The following LUZP2 variants were observed in gnomAD, a reference collection of about 807,000 sequenced individuals.
LUZP2 encodes leucine zipper protein 2.
A neutral mutation model predicts 51.6 loss-of-function variants in LUZP2; 52 were observed. The ratio of observed to expected loss-of-function variants is 1.01; its 90% CI spans 0.81 to 1.27. The LOEUF is 1.27. Among genes scored for constraint, LUZP2 ranks in the 50% most tolerant of loss-of-function variants. LUZP2 has a pLI of 0.00. For missense variants in LUZP2, 436 were observed against 395.4 expected (o/e 1.10, Z -0.87); for synonymous variants, 154 against 137.3 (o/e 1.12, Z -0.85).
intron 7 of LUZP2, among the ~76,000 whole-genome samples, chr11:24,932,803 T>G (rs542041318): frequency 1.3e-5 from 2 of 152,320 alleles, no homozygotes; most frequent in South Asian, 4.1e-4. Context: ...TGGCTGCACC[T>G]TCTGTTTGCC....
intron 5 of LUZP2, among the ~76,000 whole-genome samples, chr11:24,818,094 A>T (rs923218): frequency 0.46 from 70,022 of 151,796 alleles, 16,376 homozygotes; most frequent in African/African-American, 0.54. Context: ...TGATTTTTTT[A>T]AAAACAACTT....
At chr11:24,948,445 T>C (rs996458921) in intron 7 of LUZP2, among the ~76,000 whole-genome samples, 1 of 151,782 alleles carries the variant, frequency 6.6e-6, no homozygotes, top group African/African-American at 2.4e-5. Flanking sequence ...GTAATTTATA[T>C]GCCCTGCTAC....
intron 5 of LUZP2, among the ~76,000 whole-genome samples, chr11:24,790,887 C>T (rs776584158): frequency 4.6e-5 from 7 of 152,152 alleles, no homozygotes; most frequent in African/African-American, 7.2e-5. Context: ...AGTCTTCAAA[C>T]CTCTCACTTT....
chr11:24,981,263 G>A lies in LUZP2; in HGVS notation c.598-1863G>A, dbSNP rs12801145. ...GCAGTAGGTAAGGGGTGGGCAATTC[G>A]GACCTGAGGGTTTCCCCCATTTTTA... On this transcript the variant is annotated intron_variant, in intron 8 of 11. Transcript: ENST00000336930. Among the ~76,000 whole-genome samples the A allele has an allele frequency of 6.9e-3, 1,050 of 151,894 alleles. 7 individuals carry two copies. The highest frequency in any genetic ancestry group is 0.012 in the Admixed American group (189 of 15,200).
intron 7 of LUZP2, among the ~76,000 whole-genome samples, chr11:24,928,229 C>T (rs182040297): frequency 6.6e-6 from 1 of 152,024 alleles, no homozygotes; most frequent in Non-Finnish European, 1.5e-5. Context: ...CCCTTTATTT[C>T]TTTCTCTTGT....
chr11:25,035,783 A>T (rs1857838155), intron 9 of LUZP2, among the ~76,000 whole-genome samples: 1 of 152,130 alleles, frequency 6.6e-6, no homozygotes, highest in African/African-American at 2.4e-5. Flanking sequence ...TGATTTACTT[A>T]TGTTGAACTA....
chr11:25,060,732 A>G (rs927396585), intron 10 of LUZP2, among the ~76,000 whole-genome samples: 1 of 152,198 alleles, frequency 6.6e-6, no homozygotes, highest in African/African-American at 2.4e-5. Context: ...AAAGTGATAT[A>G]GAATAAAAAG....
chr11:24,859,501 A>G (rs183986131), intron 5 of LUZP2, among the ~76,000 whole-genome samples: 7 of 152,372 alleles, frequency 4.6e-5, no homozygotes, highest in South Asian at 2.1e-4. Flanking sequence ...TTTCTTAGTT[A>G]CATCACTAAA....
intron 1 of LUZP2, among the ~76,000 whole-genome samples, chr11:24,533,545 A>G (rs571528541): frequency 5.1e-4 from 77 of 151,452 alleles, no homozygotes; most frequent in African/African-American, 1.4e-3. Context: ...ACGTACTTTC[A>G]AAAGAATATG....
intron 1 of LUZP2, among the ~76,000 whole-genome samples, chr11:24,715,094 G>A (rs116495032): frequency 1.4e-4 from 21 of 152,150 alleles, no homozygotes; most frequent in African/African-American, 4.8e-4. Flanking sequence ...TGACAATGCT[G>A]GTATATCTGG....
At chr11:24,815,969 T>C (rs1432871906) in intron 5 of LUZP2, among the ~76,000 whole-genome samples, 6 of 150,606 alleles carry the variant, frequency 4.0e-5, no homozygotes, top group Non-Finnish European at 8.8e-5. Context: ...TGGTTTGTAT[T>C]AGTGCATCTC....
intron 5 of LUZP2, among the ~76,000 whole-genome samples, chr11:24,787,808 T>C (rs1356602259): frequency 2.0e-5 from 3 of 152,072 alleles, no homozygotes; most frequent in East Asian, 1.9e-4. Flanking sequence ...TATTATTTCT[T>C]TTTTGAAATT....
chr11:24,785,793 G>T, intron 5 of LUZP2: 2 of 846,674 alleles, frequency 2.4e-6, no homozygotes, highest in Non-Finnish European at 2.8e-6. Context: ...ACAGCATTTA[G>T]CCCACACTTC....
At chr11:24,697,300 G>A (rs1257465368) in intron 1 of LUZP2, among the ~76,000 whole-genome samples, 1 of 152,116 alleles carries the variant, frequency 6.6e-6, no homozygotes, top group Non-Finnish European at 1.5e-5. Flanking sequence ...AGTGTAAATA[G>A]GCAAGTTAAG....
At chr11:24,776,656 C>T (rs1848934823) in intron 5 of LUZP2, among the ~76,000 whole-genome samples, 2 of 152,090 alleles carry the variant, frequency 1.3e-5, no homozygotes, top group African/African-American at 4.8e-5. Context: ...TTAGCAATGT[C>T]CCCTTGGCTA....
At chr11:24,955,122 G>A (rs1426763316) in intron 7 of LUZP2, among the ~76,000 whole-genome samples, 2 of 151,988 alleles carry the variant, frequency 1.3e-5, no homozygotes, top group African/African-American at 2.4e-5. Flanking sequence ...TAAAGATGGA[G>A]TTCTGAGACT....
intron 5 of LUZP2, among the ~76,000 whole-genome samples, chr11:24,836,979 C>A (rs1299275106): frequency 2.0e-5 from 3 of 151,414 alleles, no homozygotes; most frequent in Non-Finnish European, 4.4e-5. Context: ...ATACTTGTTA[C>A]TTTCCTCACC....
At chr11:24,764,593 G>A (rs578184856) in intron 5 of LUZP2, among the ~76,000 whole-genome samples, 209 of 151,936 alleles carry the variant, frequency 1.4e-3, no homozygotes, top group African/African-American at 4.8e-3. Context: ...GAGCCTGAGA[G>A]GTCGAGGTTG....
intron 9 of LUZP2, among the ~76,000 whole-genome samples, chr11:25,007,955 T>G (rs1171681983): frequency 6.6e-6 from 1 of 152,256 alleles, no homozygotes; most frequent in Non-Finnish European, 1.5e-5. Context: ...AAACAGTTCC[T>G]TTTGAATATC....
Sources: gnomAD v4.1 joint callset for allele counts (sites outside exome capture counted in the v4.1 genomes callset) on GRCh38, gnomAD v4.1.1 for gene constraint, MANE v1.5 for transcripts, NCBI Gene and HGNC (gene_info 2026-07-23, HGNC 2026-07-21) for gene names.